Variants in OPCML observed in about 807,000 individuals in gnomAD.
OPCML encodes opioid binding protein/cell adhesion molecule like, also known as opioid-binding protein/cell adhesion molecule.
OPCML carries 13 observed loss-of-function variants against 37.8 expected under a neutral mutation model. The ratio of observed to expected loss-of-function variants is 0.34; its 90% confidence interval spans 0.22 to 0.55. The LOEUF is 0.55. Among genes scored for constraint, OPCML ranks in the 20% least tolerant of loss-of-function variants. The pLI is 0.91. For missense variants in OPCML, 341 were observed against 435.6 expected, an observed-to-expected ratio of 0.78 and a Z score of 1.93; for synonymous variants, 176 against 168.8, an observed-to-expected ratio of 1.04 and a Z score of -0.33.
chr11:132,666,215 G>A (rs535587132), intron 2 of OPCML, among the ~76,000 whole-genome samples: 1 of 152,278 alleles, frequency 6.6e-6, no homozygotes, highest in East Asian at 1.9e-4. Flanking sequence ...CTGTAGAGGA[G>A]GCATGGCGCC....
intron 3 of OPCML, among the ~76,000 whole-genome samples, chr11:132,531,988 A>T (rs1302582672): frequency 3.3e-5 from 5 of 152,170 alleles, no homozygotes; most frequent in Non-Finnish European, 2.9e-5. Context: ...GGGAAAGCAC[A>T]GTCAGTGAAT....
chr11:133,103,819 G>A (rs1949120065), intron 1 of OPCML, among the ~76,000 whole-genome samples: 1 of 152,204 alleles, frequency 6.6e-6, no homozygotes, highest in African/African-American at 2.4e-5. Context: ...AATCGAGGTA[G>A]TTGGGAAATG....
chr11:132,833,412 G>A (rs11223235), intron 2 of OPCML, among the ~76,000 whole-genome samples: 1 of 151,984 alleles, frequency 6.6e-6, no homozygotes, highest in Non-Finnish European at 1.5e-5. Flanking sequence ...GCAATAACAC[G>A]CATGGAGCTG....
At chr11:132,850,517 G>C (rs945415394) in intron 2 of OPCML, among the ~76,000 whole-genome samples, 1 of 53,052 alleles carries the variant, frequency 1.9e-5, no homozygotes, top group Non-Finnish European at 4.3e-5. Flanking sequence ...TGTGGAAAGG[G>C]TGTGTGTGTG....
intron 2 of OPCML, among the ~76,000 whole-genome samples, chr11:132,878,388 C>A (rs1943101439): frequency 6.6e-6 from 1 of 152,200 alleles, no homozygotes; most frequent in South Asian, 2.1e-4. Context: ...TGGGCCTCAT[C>A]CTATCTTTTG....
intron 1 of OPCML, among the ~76,000 whole-genome samples, chr11:133,433,477 G>C (rs1237471567): frequency 2.0e-5 from 3 of 152,118 alleles, no homozygotes; most frequent in Admixed American, 6.5e-5. Context: ...TACGTGATGA[G>C]CTACATGTTT....
At chr11:132,490,522 C>A (rs532335673) in intron 4 of OPCML, among the ~76,000 whole-genome samples, 2 of 149,536 alleles carry the variant, frequency 1.3e-5, no homozygotes, top group Non-Finnish European at 3.0e-5. Flanking sequence ...ATGCCTTCCA[C>A]GCTTCCATCT....
chr11:133,348,998 G>T (rs1198999754), intron 1 of OPCML, among the ~76,000 whole-genome samples: 1 of 152,152 alleles, frequency 6.6e-6, no homozygotes. Context: ...ATAGGGGTGC[G>T]GGGGCTTCGT....
intron 4 of OPCML, among the ~76,000 whole-genome samples, chr11:132,516,283 T>G (rs565827231): frequency 1.9e-4 from 29 of 152,324 alleles, no homozygotes; most frequent in Middle Eastern, 3.4e-3. Context: ...TGCAGGCTCC[T>G]AATACAGCTA....
At chr11:132,496,243 A>C (rs1051517924) in intron 4 of OPCML, among the ~76,000 whole-genome samples, 1 of 152,214 alleles carries the variant, frequency 6.6e-6, no homozygotes, top group Non-Finnish European at 1.5e-5. Context: ...ATGGATGTGA[A>C]AGTGGTCTCA....
chr11:132,618,395 C>T (rs1254289885), intron 3 of OPCML, among the ~76,000 whole-genome samples: 1 of 152,116 alleles, frequency 6.6e-6, no homozygotes, highest in African/African-American at 2.4e-5. Flanking sequence ...CTCAGCTACT[C>T]AGGAGGCTCT....
chr11:132,815,414 T>C (rs1939575484), intron 2 of OPCML, among the ~76,000 whole-genome samples: 1 of 152,152 alleles, frequency 6.6e-6, no homozygotes, highest in South Asian at 2.1e-4. Flanking sequence ...ACAAAAATAA[T>C]AGATTAAAGA....
intron 1 of OPCML, among the ~76,000 whole-genome samples, chr11:133,192,870 C>CTTTTT (rs199872888): frequency 2.2e-5 from 3 of 138,186 alleles, no homozygotes; most frequent in Non-Finnish European, 3.1e-5. Flanking sequence ...CTTTTCTTTT[C>CTTTTT]TTTTTTTTTT....
chr11:132,908,334 A>G (rs755262444), intron 2 of OPCML, among the ~76,000 whole-genome samples: 3 of 152,222 alleles, frequency 2.0e-5, no homozygotes, highest in Non-Finnish European at 4.4e-5. Context: ...AGGTACACAC[A>G]CAAACTTGAG....
intron 1 of OPCML, among the ~76,000 whole-genome samples, chr11:133,355,813 G>A (rs1040827141): frequency 5.3e-5 from 8 of 152,190 alleles, no homozygotes. Flanking sequence ...ATCCAGAATA[G>A]GTCCCTAAAG....
chr11:132,851,472 A>G (rs1437157812), intron 2 of OPCML, among the ~76,000 whole-genome samples: 5 of 152,116 alleles, frequency 3.3e-5, no homozygotes, highest in African/African-American at 1.2e-4. Flanking sequence ...AGCTTCCCCT[A>G]GGTTCCTCCC....
At chr11:133,469,547 T>C (rs1947057644) in intron 1 of OPCML, among the ~76,000 whole-genome samples, 1 of 152,242 alleles carries the variant, frequency 6.6e-6, no homozygotes, top group Admixed American at 6.5e-5. Context: ...CCCACTTCAA[T>C]TCATGCCATA....
rs562205056 is a variant in OPCML, at chr11:132,495,134, C to A, written c.505+33927G>T. Among the ~76,000 whole-genome samples the A allele has an allele frequency of 3.3e-5, 5 of 151,532 alleles. No individual in the cohort carries two copies. In the East Asian group the frequency reaches 7.8e-4, roughly 24 times the overall value. ...ATTTTGCACTTAGATTATTCTAATT[C>A]ATTTCATTTCTTCCATTGTAATCCC... is the stretch of plus-strand genomic sequence containing the variant. On this transcript the variant is annotated intron_variant, in intron 4 of 7. Coordinates refer to ENST00000524381, the MANE Select transcript of OPCML (RefSeq NM_001012393.5).
At chr11:133,102,531 G>A (rs967236001) in intron 1 of OPCML, among the ~76,000 whole-genome samples, 2 of 152,048 alleles carry the variant, frequency 1.3e-5, no homozygotes, top group Non-Finnish European at 2.9e-5. Context: ...GGTGGATCAC[G>A]AGGTCAGGAG....
Sources: gnomAD v4.1 joint callset for allele counts (sites outside exome capture counted in the v4.1 genomes callset) on GRCh38, gnomAD v4.1.1 for gene constraint, MANE v1.5 for transcripts, NCBI Gene and HGNC (gene_info 2026-07-23, HGNC 2026-07-21) for gene names.